DENND1B: variants seen among roughly 807,000 people sequenced by gnomAD.
DENND1B encodes the protein DENN domain containing 1B.
DENND1B carries 59 observed loss-of-function variants against 90.1 expected under a neutral mutation model. That is an observed-to-expected ratio of 0.65 (90% CI 0.53 to 0.81). DENND1B has a LOEUF of 0.81. Among genes scored for constraint, DENND1B ranks in the 40% least tolerant of loss-of-function variants. The probability of loss-of-function intolerance (pLI) is 0.00; values close to 1 mark genes in which losing one functional copy is unlikely to be tolerated. For synonymous variants in DENND1B, 337 were observed against 324.6 expected (o/e 1.04, Z -0.41); for missense variants, 862 against 912.6 (o/e 0.94, Z 0.71).
At position 197,575,243 on chromosome 1, in the gene DENND1B, G is replaced by GA. The variant is rs1024095399; in HGVS notation, c.1149+7908dup. Among the ~76,000 whole-genome samples the GA allele has an allele frequency of 5.8e-3, 863 of 147,974 alleles. 13 individuals are homozygous for GA. Among genetic ancestry groups the GA allele is most frequent in the African/African-American group, 0.02 (805 of 40,186 alleles). On this transcript the variant is annotated intron_variant, in intron 15 of 22. Transcript: ENST00000620048. ...ACAAAGAACTTAAACAAATTTACAAGAAAAAAAAAAACCATTAAAAAGTGG... is the reference window on the plus strand; with the variant it reads ...ACAAAGAACTTAAACAAATTTACAAGAAAAAAAAAAAACCATTAAAAAGTGG...
intron 15 of DENND1B, among the ~76,000 whole-genome samples, chr1:197,554,193 G>T (rs1671505074): frequency 6.6e-6 from 1 of 151,298 alleles, no homozygotes; most frequent in Non-Finnish European, 1.5e-5. Context: ...GTTGATTTGT[G>T]GCACCTAGAA....
chr1:197,510,578 T>C lies in DENND1B; in HGVS notation c.2210A>G (p.Lys737Arg), dbSNP rs772355116. The C allele has an allele frequency of 1.9e-6, 3 of 1,612,782 alleles. No homozygotes were observed. In the Admixed American group the frequency reaches 5.0e-5, roughly 27 times the overall value. The stretch of plus-strand genomic sequence containing the variant: ...CAGTCCAATATCTTCTGAAGTCTCT[T>C]TGGCTTCTTTCCCTTCTTTCTCCCA... Reference protein sequence around the residue: ...VPWEKEGKEAKETSEDIGLLH... With the variant: ...VPWEKEGKEARETSEDIGLLH... The change falls in exon 23 of 23, where the codon AAA (lysine) becomes AGA (arginine). Residue 737 changes from lysine to arginine, a missense_variant. Coordinates refer to ENST00000620048, the MANE Select transcript of DENND1B (RefSeq NM_001195215.2).
intron 2 of DENND1B, chr1:197,734,755 G>C: frequency 2.0e-6 from 2 of 982,958 alleles, no homozygotes; most frequent in Non-Finnish European, 2.4e-6. Context: ...ACTCCATAGA[G>C]TAATATAAAT....
At chr1:197,714,460 C>T (rs1573099) in intron 3 of DENND1B, among the ~76,000 whole-genome samples, 127,756 of 152,068 alleles carry the variant, frequency 0.84, 53,951 homozygotes, top group African/African-American at 0.92. Context: ...TGAGGAACTA[C>T]AGAAGACTAT....
At chr1:197,759,615 C>T (rs561683655) in intron 2 of DENND1B, among the ~76,000 whole-genome samples, 122 of 150,804 alleles carry the variant, frequency 8.1e-4, no homozygotes, top group Middle Eastern at 3.4e-3. Flanking sequence ...TGGTGGTGGG[C>T]GCCTGTAGTC....
intron 2 of DENND1B, among the ~76,000 whole-genome samples, chr1:197,748,709 C>T (rs1653052050): frequency 6.6e-6 from 1 of 152,154 alleles, no homozygotes; most frequent in Admixed American, 6.5e-5. Flanking sequence ...CTAGAGCTTC[C>T]AGAAAGAAAC....
intron 4 of DENND1B, among the ~76,000 whole-genome samples, chr1:197,672,958 C>T (rs1330154959): frequency 2.0e-5 from 3 of 151,920 alleles, no homozygotes; most frequent in African/African-American, 7.2e-5. Context: ...ACTTTTGCTT[C>T]CTTGTCCCAA....
Position 197,674,225 on chromosome 1 carries a change from C to T in DENND1B, c.127-56G>A, listed in dbSNP as rs895627092. The T allele has an allele frequency of 1.8e-5, 24 of 1,309,488 alleles. No homozygotes were observed. The African/African-American group carries it at 2.9e-4, about 16-fold the overall frequency. 81.1% of individuals were successfully genotyped at this position (1,309,488 alleles called of 1,614,324 possible). On this transcript the variant is annotated intron_variant, in intron 3 of 22. Transcript: ENST00000620048. ...AAGTTTTAGAATATTTTTTAAGAAG[C>T]AGTTAAAACTTCTTTGAGACATTTT... is the stretch of plus-strand genomic sequence containing the variant.
At chr1:197,548,878 G>A (rs116475315) in intron 16 of DENND1B, among the ~76,000 whole-genome samples, 1,710 of 152,068 alleles carry the variant, frequency 0.011, 33 homozygotes, top group African/African-American at 0.039. Context: ...CCCTTGCTTC[G>A]ATGTTATGAA....
intron 20 of DENND1B, among the ~76,000 whole-genome samples, chr1:197,528,158 A>G (rs760155076): frequency 7.2e-5 from 11 of 152,186 alleles, no homozygotes; most frequent in Non-Finnish European, 1.3e-4. Context: ...TTCTTTTCTT[A>G]TAAGTTTCAC....
rs765327958 is a variant in DENND1B at position 197,510,691 on chromosome 1, T to C, written c.2097A>G (p.Gly699=). 52 of 1,612,730 alleles carry C rather than the reference T, an allele frequency of 3.2e-5. No individual in the cohort carries two copies. The highest frequency in any genetic ancestry group is 4.2e-5 in the Non-Finnish European group (49 of 1,179,230). The change falls in exon 23 of 23, where the codon GGA becomes GGG. Residue 699 remains glycine, a synonymous_variant. Transcript: ENST00000620048. The stretch of plus-strand genomic sequence containing the variant: ...TTAGTGTTTCCCTCTTTTCTGTTTT[T>C]CCTTTATCAGTCTGGGAAACTTCAG... ...TSPEVSQTDK[G]KTEKRETLSQ...
intron 2 of DENND1B, among the ~76,000 whole-genome samples, chr1:197,766,950 C>T (rs1222929066): frequency 4.6e-5 from 7 of 151,896 alleles, no homozygotes; most frequent in Admixed American, 3.9e-4. Flanking sequence ...CTTGACACCA[C>T]ACCCCGCTAA....
In DENND1B at chr1:197,521,101, T is replaced by G. The variant is rs138814824; in HGVS notation, c.1516-8148A>C. Among the ~76,000 whole-genome samples the G allele has an allele frequency of 2.0e-4, 30 of 151,630 alleles. No individual in the cohort carries two copies. The East Asian group carries it at 5.3e-3, about 27-fold the overall frequency. On this transcript the variant is annotated intron_variant, in intron 20 of 22. Coordinates refer to ENST00000620048, the MANE Select transcript of DENND1B (RefSeq NM_001195215.2). ...AAGTATTTTATATGAAAGAAAAAAA[T>G]GTAAGAAAATGTACACAAAATGTGA...
At chr1:197,707,530 G>A (rs916047746) in intron 3 of DENND1B, among the ~76,000 whole-genome samples, 1 of 149,320 alleles carries the variant, frequency 6.7e-6, no homozygotes, top group African/African-American at 2.5e-5. Context: ...TCACATATAT[G>A]TATAATATCT....
intron 3 of DENND1B, among the ~76,000 whole-genome samples, chr1:197,691,578 C>T (rs1187040202): frequency 6.6e-6 from 1 of 151,916 alleles, no homozygotes; most frequent in African/African-American, 2.4e-5. Flanking sequence ...AATAGAACTA[C>T]CACATGATCC....
At position 197,674,237 on chromosome 1, in the gene DENND1B, C is replaced by T. The variant is rs541864134; in HGVS notation, c.127-68G>A. ...ATTTTTTAAGAAGCAGTTAAAACTTCTTTGAGACATTTTCTAGGAGAAAAA... is the reference window on the plus strand; with the variant it reads ...ATTTTTTAAGAAGCAGTTAAAACTTTTTTGAGACATTTTCTAGGAGAAAAA... On this transcript the variant is annotated intron_variant, in intron 3 of 22. Coordinates refer to ENST00000620048, the MANE Select transcript of DENND1B (RefSeq NM_001195215.2). 105 of 1,156,784 alleles carry T rather than the reference C, an allele frequency of 9.1e-5. No individual in the cohort carries two copies. The South Asian group carries it at 1.4e-3, about 16-fold the overall frequency. The allele number at this position is 1,156,784 out of a possible 1,614,324, so 71.7% of individuals were successfully genotyped here. A position where few individuals can be genotyped will look rare whatever the true frequency, so the allele number is the denominator to read the frequency against.
chr1:197,530,569 A>C (rs760208071), intron 20 of DENND1B, among the ~76,000 whole-genome samples: 8 of 152,174 alleles, frequency 5.3e-5, no homozygotes, highest in Non-Finnish European at 1.2e-4. Context: ...GATCATCCCT[A>C]CTTAGAATGA....
At chr1:197,748,634 G>C (rs975845942) in intron 2 of DENND1B, among the ~76,000 whole-genome samples, 14 of 152,182 alleles carry the variant, frequency 9.2e-5, no homozygotes, top group African/African-American at 2.7e-4. Flanking sequence ...GAAGACAGAA[G>C]GAGGCCAAGA....
Position 197,614,061 on chromosome 1 carries a change from C to T in DENND1B, c.774-2085G>A, listed in dbSNP as rs530477848. Reference sequence around the variant, plus strand: ...TTTTTTTTTTTTTGAGACGGAGTCTCGCTCTTTCGCCCAGGCAAAAACATT... The same window carrying T: ...TTTTTTTTTTTTTGAGACGGAGTCTTGCTCTTTCGCCCAGGCAAAAACATT... On this transcript the variant is annotated intron_variant, in intron 11 of 22. Transcript: ENST00000620048. 2.3e-3 allele frequency among the ~76,000 whole-genome samples: 337 copies of T among 147,594 alleles called. 2 individuals are homozygous for T. Among genetic ancestry groups the T allele is most frequent in the African/African-American group, 7.9e-3 (319 of 40,396 alleles).
Sources: allele counts gnomAD v4.1 joint callset (sites outside exome capture counted in the v4.1 genomes callset), GRCh38; gene constraint gnomAD v4.1.1; transcripts MANE v1.5; gene names NCBI Gene and HGNC (gene_info 2026-07-23, HGNC 2026-07-21).